The following ARHGAP15 variants were observed in gnomAD, a reference collection of about 807,000 sequenced individuals.
ARHGAP15 encodes Rho GTPase activating protein 15.
ARHGAP15 carries 51 observed loss-of-function variants against 63.7 expected under a neutral mutation model. The observed-to-expected ratio is 0.80, with a 90% CI of 0.64 to 1.01. The LOEUF is 1.01. ARHGAP15 is among the 50% of genes least tolerant of loss of function. The pLI is 0.00. For missense variants in ARHGAP15, 560 were observed against 564.6 expected (o/e 0.99, Z 0.08); for synonymous variants, 191 against 193.8 (o/e 0.99, Z 0.12).
intron 3 of ARHGAP15, among the ~76,000 whole-genome samples, chr2:143,203,857 C>T (rs1692222811): frequency 6.6e-6 from 1 of 152,078 alleles, no homozygotes; most frequent in African/African-American, 2.4e-5. Context: ...ATTTCTATTT[C>T]CAGCATGGAC....
intron 6 of ARHGAP15, among the ~76,000 whole-genome samples, chr2:143,326,307 A>T (rs1684247877): frequency 6.6e-6 from 1 of 152,182 alleles, no homozygotes; most frequent in Admixed American, 6.5e-5. Context: ...TATCTGAGCA[A>T]CACTTATGAA....
chr2:143,462,974 G>T (rs1691025347), intron 8 of ARHGAP15, among the ~76,000 whole-genome samples: 2 of 152,182 alleles, frequency 1.3e-5, no homozygotes, highest in South Asian at 2.1e-4. Context: ...AACCAGGCTT[G>T]CTTGTCCAAC....
chr2:143,196,199 G>T (rs1232206262), intron 2 of ARHGAP15, among the ~76,000 whole-genome samples: 1 of 151,990 alleles, frequency 6.6e-6, no homozygotes, highest in Non-Finnish European at 1.5e-5. Context: ...GGGAGGGGAA[G>T]AACAGAAGTA....
intron 8 of ARHGAP15, among the ~76,000 whole-genome samples, chr2:143,464,060 C>T (rs1691088090): frequency 6.6e-6 from 1 of 152,146 alleles, no homozygotes; most frequent in African/African-American, 2.4e-5. Flanking sequence ...CTACCTCTTA[C>T]CCTCTTTTCA....
At chr2:143,647,070 T>A (rs1317533148) in intron 12 of ARHGAP15, among the ~76,000 whole-genome samples, 1 of 151,964 alleles carries the variant, frequency 6.6e-6, no homozygotes, top group Admixed American at 6.6e-5. Context: ...ACTCTGTGAA[T>A]GAAAAATGGA....
intron 13 of ARHGAP15, among the ~76,000 whole-genome samples, chr2:143,764,068 T>A (rs569109321): frequency 6.6e-6 from 1 of 152,198 alleles, no homozygotes; most frequent in South Asian, 2.1e-4. Context: ...ATTTTTTAAA[T>A]GAGATTATTT....
chr2:143,696,050 C>T (rs538567209), intron 12 of ARHGAP15, among the ~76,000 whole-genome samples: 7 of 151,990 alleles, frequency 4.6e-5, no homozygotes, highest in Non-Finnish European at 8.8e-5. Context: ...TGAAGACTTC[C>T]AGAAATTGAT....
chr2:143,602,381 G>A (rs1038934279), intron 11 of ARHGAP15, among the ~76,000 whole-genome samples: 5 of 152,138 alleles, frequency 3.3e-5, no homozygotes, highest in Admixed American at 6.6e-5. Flanking sequence ...GAGATGACCT[G>A]CTTGTTCCTG....
chr2:143,429,620 CAT>C, intron 6 of ARHGAP15, among the ~76,000 whole-genome samples: 1 of 152,034 alleles, frequency 6.6e-6, no homozygotes, highest in Non-Finnish European at 1.5e-5. Flanking sequence ...ACATTGAAAA[CAT>C]ATCCAATAAG....
intron 12 of ARHGAP15, among the ~76,000 whole-genome samples, chr2:143,655,968 G>T (rs372863428): frequency 5.9e-5 from 9 of 152,214 alleles, no homozygotes; most frequent in African/African-American, 2.2e-4. Flanking sequence ...TATGCAGTAT[G>T]TGGTTTTTCA....
intron 10 of ARHGAP15, among the ~76,000 whole-genome samples, chr2:143,541,624 G>C (rs184686185): frequency 6.6e-6 from 1 of 152,288 alleles, no homozygotes; most frequent in East Asian, 1.9e-4. Flanking sequence ...AGGTCTGTTG[G>C]AGTTTACTGG....
At chr2:143,265,782 A>ATTTC (rs1680959031) in intron 6 of ARHGAP15, among the ~76,000 whole-genome samples, 1 of 152,026 alleles carries the variant, frequency 6.6e-6, no homozygotes, top group African/African-American at 2.4e-5. Flanking sequence ...GGTTTAACTT[A>ATTTC]TTTCTTTCTG....
chr2:143,172,414 A>T (rs1332593331), intron 2 of ARHGAP15, among the ~76,000 whole-genome samples: 8 of 152,108 alleles, frequency 5.3e-5, no homozygotes, highest in Non-Finnish European at 1.2e-4. Flanking sequence ...TTTTAAGCAC[A>T]TAAGTCTCTC....
At chr2:143,176,920 G>T (rs1256917845) in intron 2 of ARHGAP15, among the ~76,000 whole-genome samples, 3 of 152,150 alleles carry the variant, frequency 2.0e-5, no homozygotes, top group Admixed American at 2.0e-4. Context: ...TTCCACATGG[G>T]CCTTTCCATG....
chr2:143,648,251 G>A (rs527607763), intron 12 of ARHGAP15, among the ~76,000 whole-genome samples: 5 of 152,096 alleles, frequency 3.3e-5, no homozygotes, highest in African/African-American at 9.6e-5. Flanking sequence ...GTTACTGTGC[G>A]GCCACCACTG....
intron 1 of ARHGAP15, among the ~76,000 whole-genome samples, chr2:143,134,612 T>C (rs1689055806): frequency 6.6e-6 from 1 of 151,066 alleles, no homozygotes; most frequent in Non-Finnish European, 1.5e-5. Flanking sequence ...ATAGCATATA[T>C]GAAATGCTGT....
At chr2:143,481,587 T>C (rs1245710243) in intron 8 of ARHGAP15, among the ~76,000 whole-genome samples, 1 of 152,152 alleles carries the variant, frequency 6.6e-6, no homozygotes, top group East Asian at 1.9e-4. Context: ...TTTTCTTTTT[T>C]GGTTCCCATA....
intron 11 of ARHGAP15, among the ~76,000 whole-genome samples, chr2:143,572,465 A>C (rs1696501289): frequency 6.6e-6 from 1 of 152,042 alleles, no homozygotes; most frequent in Admixed American, 6.6e-5. Context: ...CCATCTCTCA[A>C]GAGTCCACTC....
chr2:143,571,392 A>T (rs1270627789), intron 11 of ARHGAP15, among the ~76,000 whole-genome samples: 1 of 152,192 alleles, frequency 6.6e-6, no homozygotes, highest in East Asian at 1.9e-4. Context: ...TATTACACTA[A>T]ATCTTTGTAA....
Sources: gnomAD v4.1 joint callset for allele counts (sites outside exome capture counted in the v4.1 genomes callset) on GRCh38, gnomAD v4.1.1 for gene constraint, MANE v1.5 for transcripts, NCBI Gene and HGNC (gene_info 2026-07-23, HGNC 2026-07-21) for gene names.